MAPK8: variants seen among roughly 807,000 people sequenced by gnomAD.
MAPK8 encodes the protein JUN N-terminal kinase.
A neutral mutation model predicts 52.9 loss-of-function variants in MAPK8; 13 were observed. The ratio of observed to expected loss-of-function variants is 0.25; its 90% CI spans 0.16 to 0.39. The LOEUF is 0.39. Among genes scored for constraint, MAPK8 ranks in the 10% least tolerant of loss-of-function variants. The pLI, the probability that MAPK8 is intolerant of heterozygous loss-of-function variation, is 1.00. For missense variants in MAPK8, 300 were observed against 519.2 expected, an observed-to-expected ratio of 0.58 and a Z score of 4.10; for synonymous variants, 191 against 169.8, an observed-to-expected ratio of 1.12 and a Z score of -0.97.
chr10:48,317,573 G>T (rs1285056323), intron 1 of MAPK8, among the ~76,000 whole-genome samples: 3 of 152,208 alleles, frequency 2.0e-5, no homozygotes, highest in African/African-American at 7.2e-5. Context: ...TGGGTTGGTG[G>T]ATAAAGGAAA....
intron 5 of MAPK8, among the ~76,000 whole-genome samples, chr10:48,414,309 C>T (rs1034008416): frequency 5.3e-5 from 8 of 151,980 alleles, no homozygotes; most frequent in Admixed American, 2.0e-4. Context: ...ATCCATTTAT[C>T]ACTTGATTAT....
chr10:48,404,805 A>AATTTTTTTTTGAAGTTTT (rs2133022738), intron 2 of MAPK8, 47 bp from the exon 3 acceptor site: 2 of 1,512,820 alleles, frequency 1.3e-6, no homozygotes, highest in East Asian at 4.6e-5. Flanking sequence ...CAGTTTACAG[A>AATTTTTTTTTGAAGTTTT]TTTTTGCTTG....
chr10:48,367,198 C>T (rs1221756814), intron 1 of MAPK8, among the ~76,000 whole-genome samples: 2 of 151,816 alleles, frequency 1.3e-5, no homozygotes, highest in Non-Finnish European at 2.9e-5. Context: ...AATGAGACCC[C>T]ATCTATACAA....
rs1031416436 is a variant in MAPK8 at position 48,321,189 on chromosome 10, T to G, written c.-50+14368T>G. On this transcript the variant is annotated intron_variant, in intron 1 of 11. Coordinates refer to ENST00000374189, the MANE Select transcript of MAPK8 (RefSeq NM_001323329.2). ...CTGGGCTCACTGCAGCCTCAAACTC[T>G]TGTACACAAATGATCCTCCCTCCCC... Among the ~76,000 whole-genome samples the G allele has an allele frequency of 2.0e-5, 3 of 149,194 alleles. No individual in the cohort carries two copies. In the Admixed American group the frequency reaches 2.0e-4, roughly 10 times the overall value.
At chr10:48,332,763 C>A (rs1305351754) in intron 1 of MAPK8, among the ~76,000 whole-genome samples, 7 of 152,212 alleles carry the variant, frequency 4.6e-5, no homozygotes, top group Non-Finnish European at 1.0e-4. Flanking sequence ...TTGGCCAGTT[C>A]CAAATGTACC....
At chr10:48,336,954 A>G (rs1369557259) in intron 1 of MAPK8, among the ~76,000 whole-genome samples, 2 of 152,224 alleles carry the variant, frequency 1.3e-5, no homozygotes, top group East Asian at 3.8e-4. Flanking sequence ...TGCCATACCC[A>G]GTGTTGTAGC....
chr10:48,425,189 G>C, intron 7 of MAPK8: 1 of 768,194 alleles, frequency 1.3e-6, no homozygotes, highest in South Asian at 1.4e-5. Context: ...GAGGAAGAAT[G>C]GGAAAAGGCA....
At chr10:48,377,415 G>T (rs192229937) in intron 1 of MAPK8, among the ~76,000 whole-genome samples, 5 of 152,184 alleles carry the variant, frequency 3.3e-5, no homozygotes, top group African/African-American at 1.2e-4. Flanking sequence ...ACTATATCCA[G>T]ATATCCACTC....
At chr10:48,416,205 T>C (rs896796296) in intron 5 of MAPK8, among the ~76,000 whole-genome samples, 1 of 152,234 alleles carries the variant, frequency 6.6e-6, no homozygotes, top group African/African-American at 2.4e-5. Flanking sequence ...GGATTGCTAC[T>C]GTGAGACCAA....
At chr10:48,393,486 T>TA (rs2041732754) in intron 1 of MAPK8, among the ~76,000 whole-genome samples, 1 of 152,080 alleles carries the variant, frequency 6.6e-6, no homozygotes, top group South Asian at 2.1e-4. Flanking sequence ...GTACCTTTCC[T>TA]AACATAAGGA....
chr10:48,346,333 G>A (rs900510487), intron 1 of MAPK8, among the ~76,000 whole-genome samples: 5 of 152,178 alleles, frequency 3.3e-5, no homozygotes, highest in Non-Finnish European at 2.9e-5. Flanking sequence ...GGAAAAACCA[G>A]GCCATACAGA....
chr10:48,345,074 C>T (rs534190441), intron 1 of MAPK8, among the ~76,000 whole-genome samples: 3 of 152,162 alleles, frequency 2.0e-5, no homozygotes, highest in South Asian at 4.2e-4. Context: ...ATATAAGATG[C>T]GGCAGAATTC....
At chr10:48,334,208 G>T (rs1314835452) in intron 1 of MAPK8, among the ~76,000 whole-genome samples, 1 of 152,122 alleles carries the variant, frequency 6.6e-6, no homozygotes, top group Non-Finnish European at 1.5e-5. Flanking sequence ...ATGTCAGATG[G>T]AGTCTCTTTG....
At chr10:48,403,037 A>G (rs1252662910) in intron 2 of MAPK8, among the ~76,000 whole-genome samples, 1 of 152,232 alleles carries the variant, frequency 6.6e-6, no homozygotes, top group African/African-American at 2.4e-5. Context: ...AGTACCATAT[A>G]TTTATGGATT....
chr10:48,349,839 G>T (rs750552207), intron 1 of MAPK8, among the ~76,000 whole-genome samples: 14 of 152,064 alleles, frequency 9.2e-5, no homozygotes, highest in Admixed American at 1.3e-4. Flanking sequence ...GGAGCTGGTT[G>T]TTTGAAAAGA....
chr10:48,310,971 G>A (rs1028732346), intron 1 of MAPK8, among the ~76,000 whole-genome samples: 2 of 150,392 alleles, frequency 1.3e-5, no homozygotes, highest in African/African-American at 4.9e-5. Context: ...GCTAGCGTGG[G>A]TTTTAAGGTC....
At chr10:48,357,646 C>T (rs1847107739) in intron 1 of MAPK8, among the ~76,000 whole-genome samples, 1 of 152,200 alleles carries the variant, frequency 6.6e-6, no homozygotes, top group Non-Finnish European at 1.5e-5. Flanking sequence ...AATGCATCCA[C>T]CTCGGCCTTC....
intron 1 of MAPK8, among the ~76,000 whole-genome samples, chr10:48,355,508 C>CAAAAAAAAAAAAAAAA: frequency 8.8e-6 from 1 of 113,474 alleles, no homozygotes; most frequent in Non-Finnish European, 1.8e-5. Context: ...GATTCCGTCT[C>CAAAAAAAAAAAAAAAA]AAAAAAAAAA....
intron 1 of MAPK8, among the ~76,000 whole-genome samples, chr10:48,344,955 G>T (rs1845624646): frequency 1.3e-5 from 2 of 151,932 alleles, no homozygotes; most frequent in African/African-American, 4.8e-5. Context: ...CTTTCTAAAA[G>T]AAAATCATCT....
Sources: gnomAD v4.1 joint callset for allele counts (sites outside exome capture counted in the v4.1 genomes callset) on GRCh38, gnomAD v4.1.1 for gene constraint, MANE v1.5 for transcripts, NCBI Gene and HGNC (gene_info 2026-07-23, HGNC 2026-07-21) for gene names.